The following NR5A2 variants were observed in gnomAD, a reference collection of about 807,000 sequenced individuals.
The protein encoded by NR5A2 is nuclear receptor subfamily 5 group A member 2, also known as CYP7A promoter-binding factor.
Under a neutral mutation model 62.7 loss-of-function variants are expected in NR5A2, and 26 were observed. That is an observed-to-expected ratio of 0.41 (90% CI 0.30 to 0.58). The LOEUF (loss-of-function observed/expected upper bound fraction) is 0.58, where lower values mean the gene tolerates loss of function less well. NR5A2 is among the 20% of genes least tolerant of loss of function. The pLI is 0.22. For synonymous variants in NR5A2, 246 were observed against 241.7 expected, an observed-to-expected ratio of 1.02 and a Z score of -0.16; for missense variants, 541 against 669.1, an observed-to-expected ratio of 0.81 and a Z score of 2.11.
chr1:200,042,786 G>A (rs1662172182), intron 2 of NR5A2: 1 of 984,352 alleles, frequency 1.0e-6, no homozygotes, highest in South Asian at 4.7e-5. Context: ...ACCGGATCAG[G>A]CACTTCCTGG....
chr1:200,042,873 C>T (rs1385068418), intron 2 of NR5A2: 2 of 985,426 alleles, frequency 2.0e-6, no homozygotes. Context: ...GGGTCTGCGT[C>T]CGGAGCAAGG....
intron 5 of NR5A2, among the ~76,000 whole-genome samples, chr1:200,088,331 C>G (rs958540651): frequency 5.3e-5 from 8 of 152,122 alleles, no homozygotes; most frequent in African/African-American, 4.8e-5. Context: ...GATCCTGGCT[C>G]ACTGCAACCT....
chr1:200,124,767 C>CA (rs1372158849), intron 7 of NR5A2, among the ~76,000 whole-genome samples: 1 of 151,920 alleles, frequency 6.6e-6, no homozygotes, highest in Non-Finnish European at 1.5e-5. Context: ...AGGGAGACCC[C>CA]ATCTCTACAA....
At chr1:200,050,217 A>G (rs997146786) in intron 5 of NR5A2, among the ~76,000 whole-genome samples, 2 of 152,222 alleles carry the variant, frequency 1.3e-5, no homozygotes, top group Non-Finnish European at 2.9e-5. Flanking sequence ...CCATGCAAAC[A>G]CTTTCCTGAT....
intron 1 of NR5A2, chr1:200,029,272 C>G (rs995807168): frequency 1.1e-5 from 2 of 182,450 alleles, no homozygotes; most frequent in African/African-American, 4.8e-5. Context: ...GTCTTGGGCT[C>G]CTGCTGCGCG....
At chr1:200,116,960 T>C (rs1440189998) in intron 6 of NR5A2, among the ~76,000 whole-genome samples, 1 of 152,208 alleles carries the variant, frequency 6.6e-6, no homozygotes, top group Non-Finnish European at 1.5e-5. Flanking sequence ...CTTATTATCT[T>C]CTATTATTGT....
intron 5 of NR5A2, among the ~76,000 whole-genome samples, chr1:200,092,483 A>C (rs774227382): frequency 6.6e-6 from 1 of 152,196 alleles, no homozygotes; most frequent in Non-Finnish European, 1.5e-5. Context: ...GGATGAAATC[A>C]ATCTCCATAC....
At chr1:200,107,587 T>G (rs1665743429) in intron 5 of NR5A2, among the ~76,000 whole-genome samples, 1 of 152,182 alleles carries the variant, frequency 6.6e-6, no homozygotes, top group Non-Finnish European at 1.5e-5. Flanking sequence ...ATATGCAGAT[T>G]TTGAAGTGTG....
intron 7 of NR5A2, among the ~76,000 whole-genome samples, chr1:200,152,114 G>C (rs1205102619): frequency 6.6e-6 from 1 of 152,136 alleles, no homozygotes; most frequent in Admixed American, 6.5e-5. Flanking sequence ...TGCTGAAAAA[G>C]AGAATGTATG....
intron 7 of NR5A2, among the ~76,000 whole-genome samples, chr1:200,168,377 C>T (rs1045264587): frequency 2.0e-5 from 3 of 151,918 alleles, no homozygotes; most frequent in Non-Finnish European, 4.4e-5. Context: ...ATCCAGCCAA[C>T]TTTTTATTTT....
chr1:200,167,266 C>T lies in NR5A2; in HGVS notation c.1379-6697C>T, dbSNP rs1653945021. 2.0e-5 allele frequency among the ~76,000 whole-genome samples: 3 copies of T among 152,154 alleles called. No individual in the cohort carries two copies. The South Asian group carries it at 6.2e-4, about 32-fold the overall frequency. On this transcript the variant is annotated intron_variant, in intron 7 of 7. Coordinates refer to ENST00000367362, the MANE Select transcript of NR5A2 (RefSeq NM_205860.3). ...CCATACCTAGACTCCTTAAATATTG[C>T]TTCTCAAATCTGCTGCTCCTCTTGG...
chr1:200,168,602 A>G (rs776267300), intron 7 of NR5A2, among the ~76,000 whole-genome samples: 7 of 152,128 alleles, frequency 4.6e-5, no homozygotes, highest in Admixed American at 2.6e-4. Context: ...ACACACCTAT[A>G]TTATTCTAAG....
chr1:200,052,914 A>G (rs1225223207), intron 5 of NR5A2, among the ~76,000 whole-genome samples: 1 of 152,192 alleles, frequency 6.6e-6, no homozygotes, highest in Non-Finnish European at 1.5e-5. Context: ...TTCTGGGATT[A>G]TAGGCATGAG....
chr1:200,092,396 A>AT (rs1220890400), intron 5 of NR5A2, among the ~76,000 whole-genome samples: 1 of 152,202 alleles, frequency 6.6e-6, no homozygotes, highest in Non-Finnish European at 1.5e-5. Context: ...CCATTTAAGT[A>AT]TGTGGTCTGC....
intron 6 of NR5A2, among the ~76,000 whole-genome samples, chr1:200,120,215 C>T (rs1173495755): frequency 6.6e-6 from 1 of 152,100 alleles, no homozygotes; most frequent in African/African-American, 2.4e-5. Flanking sequence ...ACTATGATTA[C>T]TTTAAAATGT....
Position 200,174,377 on chromosome 1 carries a change from T to C in NR5A2, c.*167T>C. On this transcript the variant is annotated 3_prime_UTR_variant, in exon 8 of 8. Coordinates refer to ENST00000367362, the MANE Select transcript of NR5A2 (RefSeq NM_205860.3). ...TAAAAAGGCATAATAATCAAATACT[T>C]AATAGCAAATAAATGATGTATCAGG... 1 of 596,398 alleles carries C rather than the reference T, an allele frequency of 1.7e-6. No homozygotes were observed. The highest frequency in any genetic ancestry group is 2.6e-6 in the Non-Finnish European group (1 of 392,064). 36.9% of individuals were successfully genotyped at this position (596,398 alleles called of 1,614,324 possible). A position where few individuals can be genotyped will look rare whatever the true frequency, so the allele number is the denominator to read the frequency against.
At chr1:200,128,728 A>G (rs1666838571) in intron 7 of NR5A2, among the ~76,000 whole-genome samples, 1 of 152,054 alleles carries the variant, frequency 6.6e-6, no homozygotes, top group South Asian at 2.1e-4. Context: ...GGCAGAGAGG[A>G]GTGTAGTAAG....
chr1:200,061,962 G>T (rs559937016), intron 5 of NR5A2, among the ~76,000 whole-genome samples: 1 of 152,240 alleles, frequency 6.6e-6, no homozygotes, highest in South Asian at 2.1e-4. Context: ...GTAGACACTG[G>T]ATACATGTTG....
intron 5 of NR5A2, among the ~76,000 whole-genome samples, chr1:200,086,982 T>C (rs967173195): frequency 1.3e-5 from 2 of 152,204 alleles, no homozygotes; most frequent in African/African-American, 4.8e-5. Context: ...GAGGTTGCCA[T>C]GAGCCGAGAT....
Sources: gnomAD v4.1 joint callset for allele counts (sites outside exome capture counted in the v4.1 genomes callset) on GRCh38, gnomAD v4.1.1 for gene constraint, MANE v1.5 for transcripts, NCBI Gene and HGNC (gene_info 2026-07-23, HGNC 2026-07-21) for gene names.